The following AFF1 variants were observed in gnomAD, a reference collection of about 807,000 sequenced individuals.
AFF1 encodes AF4/FMR2 family member 1.
AFF1 carries 48 observed loss-of-function variants against 121.7 expected under a neutral mutation model. The ratio of observed to expected loss-of-function variants is 0.39; its 90% CI spans 0.31 to 0.50. AFF1 has a LOEUF of 0.50. Ranked by LOEUF, AFF1 falls within the 20% of genes least tolerant of loss-of-function variation. AFF1 has a pLI of 0.76. For missense variants in AFF1, 1,523 were observed against 1,511.7 expected (o/e 1.01, Z -0.12); for synonymous variants, 613 against 563.0 (o/e 1.09, Z -1.26).
chr4:87,049,415 AC>A (rs1284778097), intron 4 of AFF1, among the ~76,000 whole-genome samples: 8 of 152,102 alleles, frequency 5.3e-5, no homozygotes, highest in African/African-American at 1.9e-4. Context: ...CTGTTAACTT[AC>A]TGTTTTCTTG....
chr4:87,032,827 G>C (rs781572177), intron 2 of AFF1, among the ~76,000 whole-genome samples: 6 of 152,106 alleles, frequency 3.9e-5, no homozygotes, highest in Non-Finnish European at 5.9e-5. Flanking sequence ...AAAATGTGTT[G>C]ATGGGTTCCT....
intron 4 of AFF1, among the ~76,000 whole-genome samples, chr4:87,060,801 T>C (rs1324651962): frequency 8.0e-6 from 1 of 124,390 alleles, no homozygotes; most frequent in African/African-American, 3.0e-5. Context: ...ATCACGCCAC[T>C]GCACTCCAGC....
At chr4:87,091,414 A>C (rs1254493681) in intron 6 of AFF1, among the ~76,000 whole-genome samples, 1 of 152,234 alleles carries the variant, frequency 6.6e-6, no homozygotes, top group Non-Finnish European at 1.5e-5. Flanking sequence ...AAAAACAAAA[A>C]ACAAAACAAA....
At chr4:87,099,372 C>G (rs1331578369) in intron 8 of AFF1, among the ~76,000 whole-genome samples, 1 of 152,176 alleles carries the variant, frequency 6.6e-6, no homozygotes, top group East Asian at 1.9e-4. Flanking sequence ...CATCATAGAA[C>G]ATTTATTAAA....
chr4:87,112,901 T>C (rs535589057), intron 11 of AFF1, among the ~76,000 whole-genome samples: 31 of 152,346 alleles, frequency 2.0e-4, no homozygotes, highest in African/African-American at 6.5e-4. Flanking sequence ...TTAAAATAAA[T>C]GTAACTATCA....
chr4:86,973,781 C>T (rs1012719806), intron 2 of AFF1: 1 of 148,968 alleles, frequency 6.7e-6, no homozygotes, highest in African/African-American at 2.5e-5. Context: ...TCCTTTCTTC[C>T]TTTCCTTTTT....
chr4:86,972,255 C>A (rs1723000938), intron 2 of AFF1, among the ~76,000 whole-genome samples: 1 of 150,872 alleles, frequency 6.6e-6, no homozygotes, highest in Admixed American at 6.6e-5. Context: ...TCTTCCATTA[C>A]CAGAATGGTC....
In AFF1 at chr4:87,124,957, G is replaced by C. The variant is rs114387065; in HGVS notation, c.2467-80G>C. ...CTCCAAAGGTTCCTTTACCCTCTTT[G>C]CCTTTTCTATATTTTCTTTTCTGTT... On this transcript the variant is annotated intron_variant, in intron 12 of 20. Transcript: ENST00000395146. 1,699 of 1,241,728 alleles carry C rather than the reference G, an allele frequency of 1.4e-3. 17 individuals carry two copies. In the African/African-American group the frequency reaches 0.023, roughly 17 times the overall value. 76.9% of individuals were successfully genotyped at this position (1,241,728 alleles called of 1,614,324 possible).
Position 87,127,637 on chromosome 4 carries a change from T to C in AFF1, c.2904-6T>C, listed in dbSNP as rs754757672. Reference sequence around the variant, plus strand: ...TGACCTGTCCCTGGTTTTTCCTCTTTTTCAGACAACAAGCAGACCTTCACA... The same window carrying C: ...TGACCTGTCCCTGGTTTTTCCTCTTCTTCAGACAACAAGCAGACCTTCACA... On this transcript the variant is annotated splice_polypyrimidine_tract_variant and splice_region_variant and intron_variant, in intron 15 of 20. Transcript: ENST00000395146. The C allele has an allele frequency of 3.1e-6, 5 of 1,614,010 alleles. No individual in the cohort carries two copies. Among genetic ancestry groups the C allele is most frequent in the South Asian group, 1.1e-5 (1 of 91,086 alleles).
chr4:86,995,627 A>G (rs984449160), intron 2 of AFF1, among the ~76,000 whole-genome samples: 3 of 150,464 alleles, frequency 2.0e-5, no homozygotes, highest in Admixed American at 6.6e-5. Flanking sequence ...AATGGTGCCC[A>G]GGCTGGAGTG....
At chr4:87,030,950 A>G (rs1307935291) in intron 2 of AFF1, among the ~76,000 whole-genome samples, 1 of 152,148 alleles carries the variant, frequency 6.6e-6, no homozygotes, top group Admixed American at 6.5e-5. Flanking sequence ...TTTGCATTCT[A>G]AACTCCCACA....
rs999457814 is a variant in AFF1, at chr4:87,131,969, G to C, written c.3173+105G>C. The C allele has an allele frequency of 1.6e-5, 17 of 1,050,828 alleles. No homozygotes were observed. In the African/African-American group the frequency reaches 2.5e-4, roughly 15 times the overall value. The allele number at this position is 1,050,828 out of a possible 1,614,324, so 65.1% of individuals were successfully genotyped here. A position where few individuals can be genotyped will look rare whatever the true frequency, so the allele number is the denominator to read the frequency against. On this transcript the variant is annotated intron_variant, in intron 18 of 20. Coordinates refer to ENST00000395146, the MANE Select transcript of AFF1 (RefSeq NM_001166693.3). Reference sequence around the variant, plus strand: ...TTTCTTAATGTGAAAATTATGAAAAGCAAGTCAGTACTTTGGTCAAAAGGT... The same window carrying C: ...TTTCTTAATGTGAAAATTATGAAAACCAAGTCAGTACTTTGGTCAAAAGGT...
rs541272389 is a variant in AFF1, at chr4:87,016,051, G to A, written c.39-30115G>A. Reference sequence around the variant, plus strand: ...CAAACATTAGCTGGGCGTAGTGGCAGGTGCCTGTAATCCCAGCTACTCGGG... The same window carrying A: ...CAAACATTAGCTGGGCGTAGTGGCAAGTGCCTGTAATCCCAGCTACTCGGG... On this transcript the variant is annotated intron_variant, in intron 2 of 20. Coordinates refer to ENST00000395146, the MANE Select transcript of AFF1 (RefSeq NM_001166693.3). Among the ~76,000 whole-genome samples, 154 of 152,246 alleles carry A rather than the reference G, an allele frequency of 1.0e-3. 1 individual carries two copies. Among genetic ancestry groups the A allele is most frequent in the African/African-American group, 3.6e-3 (149 of 41,556 alleles).
At chr4:87,071,510 TA>T (rs371000961) in intron 4 of AFF1, among the ~76,000 whole-genome samples, 25 of 152,230 alleles carry the variant, frequency 1.6e-4, no homozygotes, top group African/African-American at 5.5e-4. Flanking sequence ...GAAAGACCTT[TA>T]AATTTTTTTT....
intron 12 of AFF1, among the ~76,000 whole-genome samples, chr4:87,123,633 G>C (rs1046361612): frequency 6.6e-6 from 1 of 152,214 alleles, no homozygotes; most frequent in Non-Finnish European, 1.5e-5. Flanking sequence ...CTGGATGGAT[G>C]TGCAGATGCA....
At chr4:87,131,943 T>C (rs1223677123) in intron 18 of AFF1, 79 bp downstream of exon 18, 2 of 1,250,476 alleles carry the variant, frequency 1.6e-6, no homozygotes, top group East Asian at 5.3e-5. Flanking sequence ...CTGAAATTTG[T>C]TTTCTTAATG....
intron 2 of AFF1, among the ~76,000 whole-genome samples, chr4:86,982,866 AAAAAAAAAAGG>A (rs1723880670): frequency 6.8e-6 from 1 of 146,546 alleles, no homozygotes; most frequent in African/African-American, 2.6e-5. Context: ...AAAAAAAAAA[AAAAAAAAAAGG>A]AAGCTTGTTT....
chr4:86,941,893 A>G (rs1720488112), intron 1 of AFF1, among the ~76,000 whole-genome samples: 1 of 151,934 alleles, frequency 6.6e-6, no homozygotes, highest in Non-Finnish European at 1.5e-5. Flanking sequence ...AATATGCACA[A>G]ATACCACAGA....
At chr4:87,075,042 A>G (rs1722508063) in intron 4 of AFF1, among the ~76,000 whole-genome samples, 1 of 152,206 alleles carries the variant, frequency 6.6e-6, no homozygotes, top group Non-Finnish European at 1.5e-5. Context: ...TACAAATTTT[A>G]TATGCTTTAG....
Sources: allele counts gnomAD v4.1 joint callset (sites outside exome capture counted in the v4.1 genomes callset), GRCh38; gene constraint gnomAD v4.1.1; transcripts MANE v1.5; gene names NCBI Gene and HGNC (gene_info 2026-07-23, HGNC 2026-07-21).